TEX9: variants seen among roughly 807,000 people sequenced by gnomAD.
TEX9 encodes testis-expressed protein 9.
TEX9 carries 74 observed loss-of-function variants against 59.6 expected under a neutral mutation model. The observed-to-expected ratio is 1.24, with a 90% CI of 1.03 to 1.51. The LOEUF is 1.51. Among genes scored for constraint, TEX9 ranks in the 40% most tolerant of loss-of-function variants. The probability of loss-of-function intolerance (pLI) is 0.00; values close to 1 mark genes in which losing one functional copy is unlikely to be tolerated. For missense variants in TEX9, 522 were observed against 447.8 expected (o/e 1.17, Z -1.49); for synonymous variants, 186 against 152.2 (o/e 1.22, Z -1.64).
intron 12 of TEX9, chr15:56,443,899 AT>A (rs753410164): frequency 1.5e-6 from 2 of 1,352,592 alleles, no homozygotes; most frequent in Middle Eastern, 2.2e-4. Context: ...ACAATAAAAT[AT>A]AAAAAAGTAA....
chr15:56,369,000 TAATA>T (rs1367007330), intron 2 of TEX9, among the ~76,000 whole-genome samples: 1 of 152,174 alleles, frequency 6.6e-6, no homozygotes. Flanking sequence ...TCTTATTTCT[TAATA>T]AATATATTTA....
At chr15:56,312,267 T>C (rs1173636098) in intron 1 of TEX9, among the ~76,000 whole-genome samples, 2 of 139,796 alleles carry the variant, frequency 1.4e-5, no homozygotes, top group Admixed American at 1.5e-4. Context: ...CTAGGGTTTT[T>C]ACGGTTTTAG....
chr15:56,244,957 C>A (rs1174804465), intron 1 of TEX9, among the ~76,000 whole-genome samples: 2 of 152,202 alleles, frequency 1.3e-5, no homozygotes, highest in African/African-American at 4.8e-5. Context: ...GCCAAGGCCT[C>A]TGGCACCAAA....
At chr15:56,396,568 G>GTTTTTTTTTTTTTTTTTTTTT in intron 9 of TEX9, 1 of 120,204 alleles carries the variant, frequency 8.3e-6, no homozygotes, top group Non-Finnish European at 1.6e-5. Context: ...TTTTGAATCT[G>GTTTTTTTTTTTTTTTTTTTTT]TTTTTTTTTT....
At chr15:56,405,310 GAAAAAAAA>G (rs1221876149) in intron 9 of TEX9, among the ~76,000 whole-genome samples, 2 of 95,980 alleles carry the variant, frequency 2.1e-5, no homozygotes, top group East Asian at 3.0e-4. Flanking sequence ...CCGTCTCAAA[GAAAAAAAA>G]AAAAAAAAAA....
At chr15:56,381,410 T>C (rs1264488573) in intron 3 of TEX9, among the ~76,000 whole-genome samples, 5 of 152,224 alleles carry the variant, frequency 3.3e-5, no homozygotes, top group African/African-American at 9.6e-5. Context: ...TGGTGTCTTA[T>C]TTAGCTCATT....
chr15:56,411,417 TTAATA>T (rs1439711689), intron 9 of TEX9, among the ~76,000 whole-genome samples: 11 of 152,200 alleles, frequency 7.2e-5, no homozygotes, highest in Non-Finnish European at 1.6e-4. Flanking sequence ...AAGAGGGTAC[TTAATA>T]TAATCTGGGT....
intron 1 of TEX9, among the ~76,000 whole-genome samples, chr15:56,274,796 G>C (rs1239761423): frequency 1.3e-5 from 2 of 152,194 alleles, no homozygotes; most frequent in South Asian, 2.1e-4. Flanking sequence ...AGTGGAGCTG[G>C]TTTTATGTTT....
downstream of TEX9, among the ~76,000 whole-genome samples, chr15:56,449,945 T>C (rs2050936605): frequency 6.6e-6 from 1 of 152,226 alleles, no homozygotes. Flanking sequence ...TCTTTTACTC[T>C]GTCATCCCTA....
At chr15:56,431,461 C>T (rs200197194) in intron 12 of TEX9, 10 of 1,613,510 alleles carry the variant, frequency 6.2e-6, no homozygotes, top group African/African-American at 2.7e-5. Flanking sequence ...AAATCCTTGC[C>T]GCCTTTGCTG....
In TEX9 at chr15:56,309,693, G is replaced by GTTTTTTTTTTTTTTTT. The variant is rs60648387; in HGVS notation, c.-106-63732_-106-63717dup. ...TCTGGGCCTGGGATTTTTATGGGAA[G>GTTTTTTTTTTTTTTTT]TTTTTTTTTTTTTTTTTTTTTTTTT... On this transcript the variant is annotated intron_variant, in intron 1 of 5. Coordinates refer to the TEX9 transcript ENST00000560827. 1.2e-4 allele frequency among the ~76,000 whole-genome samples: 7 copies of GTTTTTTTTTTTTTTTT among 60,784 alleles called. 2 individuals carry two copies. Among genetic ancestry groups the GTTTTTTTTTTTTTTTT allele is most frequent in the East Asian group, 1.3e-3 (2 of 1,520 alleles). 39.9% of individuals were successfully genotyped at this position (60,784 alleles called of 152,430 possible).
At chr15:56,363,170 A>G (rs769491718), upstream of TEX9, among the ~76,000 whole-genome samples, 37 of 152,144 alleles carry the variant, frequency 2.4e-4, no homozygotes, top group Non-Finnish European at 4.4e-4. Flanking sequence ...GAATTGCTAG[A>G]CCATTTTCCA....
At chr15:56,366,271 C>A (rs2046938440) in intron 2 of TEX9, among the ~76,000 whole-genome samples, 1 of 152,182 alleles carries the variant, frequency 6.6e-6, no homozygotes, top group Non-Finnish European at 1.5e-5. Flanking sequence ...GCTTAAAATT[C>A]TACAGTAGTT....
intron 1 of TEX9, chr15:56,249,078 G>C (rs1358992052): frequency 1.3e-5 from 2 of 152,160 alleles, no homozygotes; most frequent in Non-Finnish European, 2.9e-5. Flanking sequence ...CACTACACAT[G>C]TCAGCCCATA....
At chr15:56,365,550 G>A (rs748847765) in intron 1 of TEX9, 29 bp from the exon 2 acceptor site, 5 of 1,614,042 alleles carry the variant, frequency 3.1e-6, no homozygotes, top group Non-Finnish European at 4.2e-6. Flanking sequence ...CTTTAACTTC[G>A]GGTCTGAAAG....
chr15:56,420,177 T>A (rs1255412814), intron 10 of TEX9, among the ~76,000 whole-genome samples: 1 of 151,868 alleles, frequency 6.6e-6, no homozygotes, highest in African/African-American at 2.4e-5. Context: ...TGATCAGTCT[T>A]ACTAGAGGTT....
At chr15:56,264,679 C>T (rs999475006) in intron 1 of TEX9, among the ~76,000 whole-genome samples, 1 of 152,162 alleles carries the variant, frequency 6.6e-6, no homozygotes, top group Admixed American at 6.5e-5. Context: ...CATGTGTGAC[C>T]TAATGTCACA....
chr15:56,322,809 A>T lies in TEX9; in HGVS notation c.-106-50632A>T, dbSNP rs563194162. Among the ~76,000 whole-genome samples the T allele has an allele frequency of 2.0e-5, 3 of 151,362 alleles. No homozygotes were observed. The East Asian group carries it at 5.8e-4, about 29-fold the overall frequency. ...TTACTGTAATTCACACTAAGGAGTT[A>T]ATATTTTAATACAGTACATAATCAC... On this transcript the variant is annotated intron_variant, in intron 1 of 5. Transcript: ENST00000560827.
intron 1 of TEX9, among the ~76,000 whole-genome samples, chr15:56,304,413 T>C (rs2045430164): frequency 6.6e-6 from 1 of 152,208 alleles, no homozygotes; most frequent in Non-Finnish European, 1.5e-5. Flanking sequence ...TGTTGAGGTA[T>C]CTTCATTCTG....
Sources: allele counts gnomAD v4.1 joint callset (sites outside exome capture counted in the v4.1 genomes callset), GRCh38; gene constraint gnomAD v4.1.1; transcripts MANE v1.5; gene names NCBI Gene and HGNC (gene_info 2026-07-23, HGNC 2026-07-21).